Variants in BAIAP2L1 observed in about 807,000 individuals in gnomAD.
The protein encoded by BAIAP2L1 is BAR/IMD domain containing adaptor protein 2 like 1.
Under a neutral mutation model 66.3 loss-of-function variants are expected in BAIAP2L1, and 35 were observed. That is an observed-to-expected ratio of 0.53 (90% CI 0.40 to 0.70). The LOEUF (loss-of-function observed/expected upper bound fraction) is 0.70, where lower values mean the gene tolerates loss of function less well. Among genes scored for constraint, BAIAP2L1 ranks in the 30% least tolerant of loss-of-function variants. The pLI is 0.00. For missense variants in BAIAP2L1, 622 were observed against 656.9 expected, an observed-to-expected ratio of 0.95 and a Z score of 0.58; for synonymous variants, 269 against 248.7, an observed-to-expected ratio of 1.08 and a Z score of -0.77.
chr7:98,388,493 A>AAAAACAAAAC (rs59981173), intron 1 of BAIAP2L1, among the ~76,000 whole-genome samples: 1 of 151,364 alleles, frequency 6.6e-6, no homozygotes, highest in Admixed American at 6.6e-5. Flanking sequence ...ACTCCCTCTC[A>AAAAACAAAAC]AAAACAAAAC....
Position 98,315,529 on chromosome 7 carries a change from CTT to C in BAIAP2L1, c.568_569del (p.Lys190GlufsTer8). ...TATCAACCAGAAAGCAGAAGCGCCTCTTCTCTTCAAGCAGAGCCTCTTTGCAA... is the reference window on the plus strand; with the variant it reads ...TATCAACCAGAAAGCAGAAGCGCCTCCTCTTCAAGCAGAGCCTCTTTGCAA... The part of the protein sequence containing the change: ...DGCKEALLEE[K>X]RRFCFLVDKH... On this transcript the variant is annotated frameshift_variant, in exon 7 of 14. Transcript: ENST00000005260. LOFTEE classifies it high-confidence loss of function. The C allele has an allele frequency of 2.6e-6, 4 of 1,524,666 alleles. No homozygotes were observed. Among genetic ancestry groups the C allele is most frequent in the Non-Finnish European group, 3.5e-6 (4 of 1,128,688 alleles). The allele number at this position is 1,524,666 out of a possible 1,614,324, so 94.4% of individuals were successfully genotyped here.
intron 9 of BAIAP2L1, 130 bp from the exon 10 acceptor site, chr7:98,308,026 C>G (rs1197324887): frequency 3.4e-6 from 3 of 886,942 alleles, no homozygotes; most frequent in Non-Finnish European, 5.6e-6. Flanking sequence ...GAAACTGACC[C>G]TGTCCTATTT....
At chr7:98,298,545 G>A (rs1800285481) in intron 12 of BAIAP2L1, among the ~76,000 whole-genome samples, 1 of 152,010 alleles carries the variant, frequency 6.6e-6, no homozygotes, top group South Asian at 2.1e-4. Context: ...CCCAGGAGGT[G>A]GAGTTTGCAG....
intron 3 of BAIAP2L1, 80 bp from the exon 4 acceptor site, chr7:98,320,378 C>A: frequency 8.8e-7 from 1 of 1,130,638 alleles, no homozygotes; most frequent in East Asian, 2.4e-5. Context: ...CTCTGTCGCC[C>A]AGGCTGGAGT....
In BAIAP2L1 at chr7:98,320,065, T is replaced by C; in HGVS notation, c.341A>G (p.Tyr114Cys). The change falls in exon 5 of 14, where the codon TAT (tyrosine) becomes TGT (cysteine). Residue 114 changes from tyrosine (Y) to cysteine (C), a missense_variant. Transcript: ENST00000005260. ...LEKKIELDVK[Y>C]MNATLKRYQT... ...GGAAAACCATGCACTTACGTTCATA[T>C]ATTTCACGTCAAGTTCTATCTTCTT... is the stretch of plus-strand genomic sequence containing the variant. The C allele has an allele frequency of 1.9e-6, 3 of 1,613,214 alleles. No homozygotes were observed. Among genetic ancestry groups the C allele is most frequent in the Non-Finnish European group, 2.5e-6 (3 of 1,179,450 alleles).
intron 3 of BAIAP2L1, among the ~76,000 whole-genome samples, chr7:98,334,798 G>A (rs1350557151): frequency 4.6e-5 from 7 of 150,936 alleles, no homozygotes; most frequent in Admixed American, 2.0e-4. Context: ...CGCCCGCCTC[G>A]GCCTCCCAAA....
intron 1 of BAIAP2L1, chr7:98,386,448 T>C: frequency 1.3e-6 from 2 of 1,597,098 alleles, no homozygotes; most frequent in South Asian, 2.2e-5. Flanking sequence ...GACGAGCGTC[T>C]TTCCAATATT....
intron 1 of BAIAP2L1, among the ~76,000 whole-genome samples, chr7:98,383,209 A>G (rs1004392856): frequency 6.6e-6 from 1 of 152,022 alleles, no homozygotes; most frequent in Non-Finnish European, 1.5e-5. Context: ...AAAAGAAAAG[A>G]AAGAATGGAA....
chr7:98,320,843 CAT>C (rs967368833), intron 3 of BAIAP2L1, among the ~76,000 whole-genome samples: 13 of 141,950 alleles, frequency 9.2e-5, no homozygotes, highest in African/African-American at 3.2e-4. Flanking sequence ...TTCAAATTCA[CAT>C]GAGTCTTTCT....
rs767946452 is a variant in BAIAP2L1, at chr7:98,304,324, C to T, written c.1294G>A (p.Val432Ile). ...STVNLSENSS[V>I]VIPPPDYLEC... Reference sequence around the variant, plus strand: ...AAGTAGTCGGGTGGGGGGATGACAACACTGCTATTCTCAGACAAGTTCACG... The same window carrying T: ...AAGTAGTCGGGTGGGGGGATGACAATACTGCTATTCTCAGACAAGTTCACG... Residue 432 changes from valine (V) to isoleucine (I), a missense_variant, in exon 12 of 14, where the codon GTT (valine) becomes ATT (isoleucine). Physicochemically the swap from Val to Ile is conservative, Grantham distance 29. Transcript: ENST00000005260. 1.2e-6 allele frequency: 2 copies of T among 1,613,602 alleles called. No homozygotes were observed. Among genetic ancestry groups the T allele is most frequent in the East Asian group, 4.5e-5 (2 of 44,838 alleles).
chr7:98,391,199 C>G (rs1482401712), intron 1 of BAIAP2L1, among the ~76,000 whole-genome samples: 1 of 152,070 alleles, frequency 6.6e-6, no homozygotes, highest in African/African-American at 2.4e-5. Flanking sequence ...GCTGTTCTCT[C>G]AAAAGCACAA....
intron 1 of BAIAP2L1, among the ~76,000 whole-genome samples, chr7:98,368,850 C>T (rs1244657356): frequency 6.7e-6 from 1 of 150,310 alleles, no homozygotes; most frequent in African/African-American, 2.5e-5. Flanking sequence ...GGATATATTG[C>T]AGTTTGTTTA....
chr7:98,357,176 A>G (rs1404619521), intron 2 of BAIAP2L1, among the ~76,000 whole-genome samples: 1 of 148,292 alleles, frequency 6.7e-6, no homozygotes, highest in Non-Finnish European at 1.5e-5. Context: ...TGTGAGCCAC[A>G]GAATTAATTC....
chr7:98,318,945 C>CAA (rs369964958), intron 5 of BAIAP2L1, among the ~76,000 whole-genome samples: 2,083 of 114,442 alleles, frequency 0.018, 55 homozygotes, highest in African/African-American at 0.068. Context: ...GACTCCATCT[C>CAA]AAAAAAAAAA....
chr7:98,375,379 A>C (rs931163167), intron 1 of BAIAP2L1, among the ~76,000 whole-genome samples: 1 of 149,860 alleles, frequency 6.7e-6, no homozygotes, highest in Non-Finnish European at 1.5e-5. Context: ...AGGCGACAGT[A>C]CAACACTCCA....
intron 1 of BAIAP2L1, among the ~76,000 whole-genome samples, chr7:98,392,741 G>A (rs1053539508): frequency 2.0e-5 from 3 of 152,128 alleles, no homozygotes; most frequent in Non-Finnish European, 2.9e-5. Flanking sequence ...CAGAAAAAGC[G>A]ACAGCAATAG....
chr7:98,360,643 C>T (rs545461591), intron 2 of BAIAP2L1, among the ~76,000 whole-genome samples: 2 of 151,702 alleles, frequency 1.3e-5, no homozygotes, highest in African/African-American at 4.8e-5. Context: ...AAAAAAGAGG[C>T]AGCTCATGCT....
At chr7:98,321,724 C>T (rs546879301) in intron 3 of BAIAP2L1, among the ~76,000 whole-genome samples, 3 of 152,252 alleles carry the variant, frequency 2.0e-5, no homozygotes, top group South Asian at 2.1e-4. Context: ...CTGGAACCAC[C>T]GTTACCACCA....
intron 1 of BAIAP2L1, among the ~76,000 whole-genome samples, chr7:98,373,661 G>C (rs1456533945): frequency 1.3e-5 from 2 of 152,168 alleles, no homozygotes; most frequent in Admixed American, 6.5e-5. Context: ...TTAACATTAT[G>C]GAGTGCTTAT....
Sources: allele counts gnomAD v4.1 joint callset (sites outside exome capture counted in the v4.1 genomes callset), GRCh38; gene constraint gnomAD v4.1.1; transcripts MANE v1.5; gene names NCBI Gene and HGNC (gene_info 2026-07-23, HGNC 2026-07-21).